SSH2: variants seen among roughly 807,000 people sequenced by gnomAD.
SSH2 encodes slingshot protein phosphatase 2.
Under a neutral mutation model 135.2 loss-of-function variants are expected in SSH2, and 37 were observed. That is an observed-to-expected ratio of 0.27 (90% CI 0.21 to 0.36). SSH2 has a LOEUF of 0.36. Among genes scored for constraint, SSH2 ranks in the 10% least tolerant of loss-of-function variants. The pLI is 1.00. For synonymous variants in SSH2, 628 were observed against 646.2 expected, an observed-to-expected ratio of 0.97 and a Z score of 0.43; for missense variants, 1,408 against 1,765.3, an observed-to-expected ratio of 0.80 and a Z score of 3.63.
chr17:29,913,311 C>T (rs1465593955), intron 1 of SSH2, among the ~76,000 whole-genome samples: 8 of 45,410 alleles, frequency 1.8e-4, no homozygotes, highest in African/African-American at 5.2e-4. Flanking sequence ...GAGCGAGACG[C>T]CATCTCAAAA....
At chr17:29,926,375 CAA>C (rs71360725) in intron 1 of SSH2, among the ~76,000 whole-genome samples, 9 of 123,306 alleles carry the variant, frequency 7.3e-5, no homozygotes, top group Admixed American at 1.6e-4. Flanking sequence ...CCCATCTCTA[CAA>C]AAAAAAAAAA....
intron 3 of SSH2, among the ~76,000 whole-genome samples, chr17:29,729,878 G>A (rs971077434): frequency 1.3e-5 from 2 of 152,204 alleles, no homozygotes; most frequent in Non-Finnish European, 2.9e-5. Flanking sequence ...ATGGTTACCA[G>A]AGACTGGCAA....
chr17:29,761,426 C>T (rs929717974), intron 3 of SSH2: 8 of 1,014,408 alleles, frequency 7.9e-6, no homozygotes, highest in Non-Finnish European at 9.4e-6. Flanking sequence ...GCGGTAGAGT[C>T]CGGACTGACG....
intron 15 of SSH2, among the ~76,000 whole-genome samples, chr17:29,635,396 G>A (rs553477519): frequency 2.0e-5 from 3 of 151,976 alleles, no homozygotes; most frequent in African/African-American, 2.4e-5. Flanking sequence ...TATTAACTGC[G>A]TATCTTTGGA....
chr17:29,796,626 C>T (rs1215698386), intron 2 of SSH2, among the ~76,000 whole-genome samples: 3 of 152,266 alleles, frequency 2.0e-5, no homozygotes, highest in Admixed American at 2.0e-4. Context: ...TAGGCGTGAG[C>T]CACCATGCCT....
chr17:29,831,541 C>T (rs1324047749), intron 2 of SSH2, among the ~76,000 whole-genome samples: 1 of 150,978 alleles, frequency 6.6e-6, no homozygotes, highest in Admixed American at 6.6e-5. Context: ...TTTGACACTT[C>T]TTGCCATCTC....
At chr17:29,856,531 C>G (rs540922827) in intron 1 of SSH2, among the ~76,000 whole-genome samples, 7 of 152,262 alleles carry the variant, frequency 4.6e-5, no homozygotes, top group African/African-American at 1.4e-4. Context: ...GCCGTGATCC[C>G]ACCACTGCAC....
intron 5 of SSH2, among the ~76,000 whole-genome samples, chr17:29,689,246 C>T (rs2038363014): frequency 6.6e-6 from 1 of 152,124 alleles, no homozygotes; most frequent in Admixed American, 6.5e-5. Context: ...AAAAGTCTAA[C>T]GCCCATCCTG....
At chr17:29,834,300 G>A (rs149134282) in intron 2 of SSH2, among the ~76,000 whole-genome samples, 55 of 152,180 alleles carry the variant, frequency 3.6e-4, no homozygotes, top group African/African-American at 1.3e-3. Flanking sequence ...AAATAAGTCT[G>A]ATATCACATT....
chr17:29,755,525 A>C (rs994817737), intron 3 of SSH2, among the ~76,000 whole-genome samples: 1 of 152,130 alleles, frequency 6.6e-6, no homozygotes, highest in Non-Finnish European at 1.5e-5. Context: ...TATATAACAC[A>C]GTTGAAAGTA....
At chr17:29,819,182 C>T (rs1204618044) in intron 2 of SSH2, among the ~76,000 whole-genome samples, 4 of 151,476 alleles carry the variant, frequency 2.6e-5, no homozygotes, top group Admixed American at 6.6e-5. Context: ...GCCAAGATCG[C>T]GCCATTGAAA....
intron 2 of SSH2, among the ~76,000 whole-genome samples, chr17:29,822,519 G>C (rs1049877378): frequency 6.6e-6 from 1 of 151,750 alleles, no homozygotes; most frequent in African/African-American, 2.4e-5. Flanking sequence ...GTATCACTAC[G>C]CCTGGCTCAT....
intron 1 of SSH2, among the ~76,000 whole-genome samples, chr17:29,860,141 C>T (rs1166277442): frequency 6.6e-6 from 1 of 152,092 alleles, no homozygotes; most frequent in African/African-American, 2.4e-5. Context: ...AGTCAGCATG[C>T]CGGCGGTAAT....
At chr17:29,761,302 C>T (rs1339883343) in intron 3 of SSH2, 1 of 1,272,728 alleles carries the variant, frequency 7.9e-7, no homozygotes, top group African/African-American at 1.5e-5. Context: ...GTGCACAACT[C>T]CGCATCCTGG....
chr17:29,896,609 T>C (rs1489486359), intron 1 of SSH2, among the ~76,000 whole-genome samples: 1 of 151,454 alleles, frequency 6.6e-6, no homozygotes, highest in African/African-American at 2.4e-5. Context: ...CTTTTATCTA[T>C]ATGGTCCATT....
chr17:29,751,103 A>G (rs1420605112), intron 3 of SSH2, among the ~76,000 whole-genome samples: 3 of 151,982 alleles, frequency 2.0e-5, no homozygotes, highest in Non-Finnish European at 2.9e-5. Context: ...TTTACAGTTA[A>G]TATTTTCTTC....
In SSH2 at chr17:29,631,111, C is replaced by T. The variant is rs1598664026; in HGVS notation, c.4083G>A (p.Val1361=). ...VEQLTTTECI[V]QSKPVERPLV... ...GGGGCCTCTCCACTGGCTTGCTCTGCACAATACACTCTGTTGTTGTGAGTT... is the reference window on the plus strand; with the variant it reads ...GGGGCCTCTCCACTGGCTTGCTCTGTACAATACACTCTGTTGTTGTGAGTT... Residue 1361 remains valine (V), a synonymous_variant, in exon 16 of 16, where the codon GTG becomes GTA. Coordinates refer to ENST00000540801, the MANE Select transcript of SSH2 (RefSeq NM_001282129.2). The T allele has an allele frequency of 6.2e-7, 1 of 1,614,192 alleles. No homozygotes were observed. The highest frequency in any genetic ancestry group is 1.7e-5 in the Admixed American group (1 of 60,020).
chr17:29,636,567 T>C lies in SSH2; in HGVS notation c.1663A>G (p.Ile555Val). 1 of 1,614,222 alleles carries C rather than the reference T, an allele frequency of 6.2e-7. No homozygotes were observed. The highest frequency in any genetic ancestry group is 1.1e-5 in the South Asian group (1 of 91,086). Reference protein sequence around the residue: ...QKGLCTKERMICLEFTSREFH... With the variant: ...QKGLCTKERMVCLEFTSREFH... ...TCCCTAGAAGTAAACTCCAAGCAGA[T>C]CATTCTTTCTTTGGTACACAGGCCT... is the stretch of plus-strand genomic sequence containing the variant. Residue 555 changes from isoleucine to valine, a missense_variant, in exon 15 of 16, where the codon ATC becomes GTC. By Grantham distance (29) the Ile-to-Val change is conservative. Coordinates refer to ENST00000540801, the MANE Select transcript of SSH2 (RefSeq NM_001282129.2).
At chr17:29,771,252 T>C (rs1004028185) in intron 3 of SSH2, among the ~76,000 whole-genome samples, 4 of 152,220 alleles carry the variant, frequency 2.6e-5, no homozygotes, top group African/African-American at 9.6e-5. Flanking sequence ...TTATTTGTTG[T>C]CCTCTAATTG....
Sources: gnomAD v4.1 joint callset for allele counts (sites outside exome capture counted in the v4.1 genomes callset) on GRCh38, gnomAD v4.1.1 for gene constraint, MANE v1.5 for transcripts, NCBI Gene and HGNC (gene_info 2026-07-23, HGNC 2026-07-21) for gene names.